Variants in AHCY observed in about 807,000 individuals in gnomAD.
AHCY encodes the protein adenosylhomocysteinase, also known as S-adenosyl-L-homocysteine hydrolase.
In AHCY, 24 loss-of-function variants were observed where a neutral mutation model predicts 45.4. The observed-to-expected ratio is 0.53, with a 90% confidence interval of 0.38 to 0.74. The LOEUF (loss-of-function observed/expected upper bound fraction) is 0.74, where lower values mean the gene tolerates loss of function less well. AHCY is among the 30% of genes least tolerant of loss of function. The pLI, the probability that AHCY is intolerant of heterozygous loss-of-function variation, is 0.00. For synonymous variants in AHCY, 245 were observed against 235.1 expected (o/e 1.04, Z -0.39); for missense variants, 449 against 594.1 (o/e 0.76, Z 2.54).
the AHCY span, among the ~76,000 whole-genome samples, chr20:34,235,786 GAAGA>G: frequency 0.033 from 1,995 of 61,358 alleles, 165 homozygotes; most frequent in Admixed American, 0.056. Context: ...CTCTGAGAAA[GAAGA>G]AAGAAAGAAA....
downstream of AHCY, among the ~76,000 whole-genome samples, chr20:34,278,314 A>AG (rs2035927549): frequency 6.6e-6 from 1 of 152,180 alleles, no homozygotes; most frequent in African/African-American, 2.4e-5. Flanking sequence ...GGAAGAAGGG[A>AG]GGTGGGGGGC....
In AHCY at chr20:34,290,284, T is replaced by A. The variant is rs1320313807; in HGVS notation, c.972+48A>T. The A allele has an allele frequency of 1.3e-6, 2 of 1,574,170 alleles. No individual in the cohort carries two copies. Among genetic ancestry groups the A allele is most frequent in the African/African-American group, 2.7e-5 (2 of 74,222 alleles). On this transcript the variant is annotated intron_variant, in intron 8 of 9. Transcript: ENST00000217426. This position sits in a 1 kb window ranked among gnomAD's most constrained non-coding sequence, Gnocchi z 4.5. ...TCTCCTCCCTGGCAGCCAGCACTCC[T>A]CTGCACTCCCATCTGCCCAGCCCAC... is the stretch of plus-strand genomic sequence containing the variant.
At chr20:34,277,754 CAAAAAAAAAAA>C (rs59920283), downstream of AHCY, among the ~76,000 whole-genome samples, 3 of 39,724 alleles carry the variant, frequency 7.6e-5, no homozygotes, top group Admixed American at 5.5e-4. Context: ...GACTCCATCT[CAAAAAAAAAAA>C]AAAAAAAAAA....
At chr20:34,266,987 T>C in the AHCY span, among the ~76,000 whole-genome samples, 9 of 152,144 alleles carry the variant, frequency 5.9e-5, no homozygotes, top group Non-Finnish European at 1.5e-5. Context: ...TATTAGGAGG[T>C]AGGATCTGGC....
downstream of AHCY, among the ~76,000 whole-genome samples, chr20:34,276,268 G>A (rs2035909713): frequency 6.6e-6 from 1 of 152,186 alleles, no homozygotes; most frequent in Non-Finnish European, 1.5e-5. Context: ...AATCAGGACT[G>A]GGGATAAGCC....
chr20:34,257,208 T>C, the AHCY span, among the ~76,000 whole-genome samples: 1 of 152,014 alleles, frequency 6.6e-6, no homozygotes, highest in Admixed American at 6.6e-5. Flanking sequence ...CTCAGCCTCC[T>C]GAGTAGGTGG....
Position 34,290,476 on chromosome 20 carries a change from G to A in AHCY, c.855-27C>T, listed in dbSNP as rs760557481. 1 of 1,613,854 alleles carries A rather than the reference G, an allele frequency of 6.2e-7. No individual in the cohort carries two copies. The highest frequency in any genetic ancestry group is 1.7e-5 in the Admixed American group (1 of 60,036). On this transcript the variant is annotated intron_variant, in intron 7 of 9. Transcript: ENST00000217426. This position sits in a 1 kb window ranked among gnomAD's most constrained non-coding sequence, Gnocchi z 4.5. ...TGTCAGGCAGCCCAAGACCGTGGGAGATTGTCAGGGACAGAAAGCTGTCCC... is the reference window on the plus strand; with the variant it reads ...TGTCAGGCAGCCCAAGACCGTGGGAAATTGTCAGGGACAGAAAGCTGTCCC...
At chr20:34,286,592 G>A (rs1227105876) in intron 8 of AHCY, 3 of 152,362 alleles carry the variant, frequency 2.0e-5, no homozygotes, top group African/African-American at 7.2e-5. Context: ...CAGCACTTTG[G>A]GAGGCCAAGG....
the AHCY span, among the ~76,000 whole-genome samples, chr20:34,275,014 T>C: frequency 2.0e-5 from 3 of 151,878 alleles, no homozygotes; most frequent in African/African-American, 7.2e-5. Flanking sequence ...TGTATGACCT[T>C]GGGCAAAATT....
At chr20:34,293,814 T>A in intron 3 of AHCY, 1 of 531,062 alleles carries the variant, frequency 1.9e-6, no homozygotes, top group Non-Finnish European at 3.4e-6. Context: ...GAACTTCCCC[T>A]CCGCTTCATC....
At chr20:34,252,202 T>C in the AHCY span, among the ~76,000 whole-genome samples, 1 of 152,136 alleles carries the variant, frequency 6.6e-6, no homozygotes, top group Admixed American at 6.5e-5. Context: ...AGACAAAGTA[T>C]AGAGAAAGAA....
intron 5 of AHCY, among the ~76,000 whole-genome samples, 180 bp downstream of exon 5, chr20:34,291,239 C>T (rs2036378663): frequency 6.6e-6 from 1 of 152,210 alleles, no homozygotes. Flanking sequence ...CCATAAAGCT[C>T]CTAACACCCA....
the AHCY span, among the ~76,000 whole-genome samples, chr20:34,247,841 C>T: frequency 6.6e-6 from 1 of 151,356 alleles, no homozygotes; most frequent in African/African-American, 2.4e-5. Flanking sequence ...AAGCAATCTT[C>T]CTGACTCCAC....
chr20:34,309,641 C>T (rs760826689), intron 1 of AHCY, among the ~76,000 whole-genome samples: 5 of 151,948 alleles, frequency 3.3e-5, no homozygotes, highest in Admixed American at 6.6e-5. Context: ...ATTAGCCGGG[C>T]GTGGTGGCAG....
upstream of AHCY, among the ~76,000 whole-genome samples, chr20:34,306,895 G>A (rs1001940422): frequency 2.0e-5 from 3 of 152,142 alleles, no homozygotes; most frequent in African/African-American, 7.2e-5. Context: ...ATTAGTGGTT[G>A]CCAGGTATTA....
the AHCY span, among the ~76,000 whole-genome samples, chr20:34,274,671 G>T: frequency 1.1e-4 from 17 of 152,130 alleles, no homozygotes; most frequent in Admixed American, 3.9e-4. Context: ...AGGGGCTGGG[G>T]TATGGTGGCT....
chr20:34,295,267 G>A (rs773857636), intron 2 of AHCY, 128 bp downstream of exon 2: 1 of 1,131,620 alleles, frequency 8.8e-7, no homozygotes, highest in Non-Finnish European at 1.3e-6. Flanking sequence ...CGAGTGAGAG[G>A]GAGGAACCCC....
At chr20:34,298,408 A>G (rs2036643108) in intron 1 of AHCY, among the ~76,000 whole-genome samples, 1 of 152,010 alleles carries the variant, frequency 6.6e-6, no homozygotes, top group African/African-American at 2.4e-5. Context: ...AGCTGAGGGG[A>G]CATAGTGAGG....
chr20:34,303,098 A>G, intron 1 of AHCY, 145 bp downstream of exon 1: 1 of 1,476,560 alleles, frequency 6.8e-7, no homozygotes, highest in Non-Finnish European at 9.0e-7. Context: ...TCCAACTTCC[A>G]GCTGGCTTCG....
Sources: gnomAD v4.1 joint callset for allele counts (sites outside exome capture counted in the v4.1 genomes callset) on GRCh38, gnomAD v4.1.1 for gene constraint, Gnocchi (gnomAD v3.1) non-coding constraint, MANE v1.5 for transcripts, NCBI Gene and HGNC (gene_info 2026-07-23, HGNC 2026-07-21) for gene names.